PTPN12: variants seen among roughly 807,000 people sequenced by gnomAD.
PTPN12 encodes the protein tyrosine-protein phosphatase non-receptor type 12.
In PTPN12, 29 loss-of-function variants were observed where a neutral mutation model predicts 97.6. The observed-to-expected ratio is 0.30, with a 90% CI of 0.22 to 0.41. The LOEUF is 0.41. PTPN12 is among the 10% of genes least tolerant of loss of function. PTPN12 has a pLI of 1.00. For missense variants in PTPN12, 819 were observed against 926.0 expected, an observed-to-expected ratio of 0.88 and a Z score of 1.50; for synonymous variants, 327 against 300.4, an observed-to-expected ratio of 1.09 and a Z score of -0.91.
intron 13 of PTPN12, among the ~76,000 whole-genome samples, chr7:77,630,009 T>A (rs1789343624): frequency 6.6e-6 from 1 of 152,144 alleles, no homozygotes. Flanking sequence ...CATTTCTGTT[T>A]GTTTGGTTTT....
At position 77,632,762 on chromosome 7, in the gene PTPN12, G is replaced by A. The variant is rs151246812; in HGVS notation, c.2074+337G>A. ...ACCTGAGGTCAGGAGTTGGAGACCAGCCTGGCCAACATGGTGAAACTCCAT... is the reference window on the plus strand; with the variant it reads ...ACCTGAGGTCAGGAGTTGGAGACCAACCTGGCCAACATGGTGAAACTCCAT... On this transcript the variant is annotated intron_variant, in intron 14 of 17. Transcript: ENST00000248594. Among the ~76,000 whole-genome samples the A allele has an allele frequency of 7.4e-3, 1,118 of 152,094 alleles. 14 individuals carry two copies. The highest frequency in any genetic ancestry group is 0.025 in the African/African-American group (1,052 of 41,484).
chr7:77,561,725 C>T (rs186675969), intron 1 of PTPN12, among the ~76,000 whole-genome samples: 1 of 151,840 alleles, frequency 6.6e-6, no homozygotes, highest in African/African-American at 2.4e-5. Context: ...TATGTTAATA[C>T]TAGAACTTAA....
chr7:77,553,452 C>G (rs1310036608), intron 1 of PTPN12, among the ~76,000 whole-genome samples: 1 of 152,144 alleles, frequency 6.6e-6, no homozygotes, highest in Non-Finnish European at 1.5e-5. Context: ...AGTTTTGGCT[C>G]ACATATTTTT....
intron 12 of PTPN12, among the ~76,000 whole-genome samples, chr7:77,625,658 C>A (rs1427694817): frequency 6.8e-6 from 1 of 146,686 alleles, no homozygotes. Flanking sequence ...CCATCTCCAC[C>A]TCCTGGGCTC....
intron 17 of PTPN12, 110 bp from the exon 18 acceptor site, chr7:77,639,109 C>T: frequency 3.4e-6 from 3 of 887,952 alleles, no homozygotes; most frequent in East Asian, 2.8e-5. Context: ...TCTAAATTCC[C>T]TTGTGGAAAT....
At chr7:77,610,107 A>G (rs1450147917) in intron 9 of PTPN12, among the ~76,000 whole-genome samples, 4 of 152,172 alleles carry the variant, frequency 2.6e-5, no homozygotes, top group Non-Finnish European at 5.9e-5. Flanking sequence ...AGATCTTCTC[A>G]TGTCAACATT....
At chr7:77,546,777 G>A (rs1479795590) in intron 1 of PTPN12, among the ~76,000 whole-genome samples, 2 of 152,200 alleles carry the variant, frequency 1.3e-5, no homozygotes, top group Non-Finnish European at 2.9e-5. Context: ...ACTTACGATT[G>A]TGGTGGAAGG....
chr7:77,600,617 C>T, intron 7 of PTPN12, 47 bp from the exon 8 acceptor site: 1 of 1,506,604 alleles, frequency 6.6e-7, no homozygotes, highest in Non-Finnish European at 8.9e-7. Flanking sequence ...CAACTTTAAA[C>T]TTTGCAAAGT....
rs543469112 is a variant in PTPN12 at position 77,584,066 on chromosome 7, C to T, written c.381+416C>T. Among the ~76,000 whole-genome samples, 7 of 152,168 alleles carry T rather than the reference C, an allele frequency of 4.6e-5. No individual in the cohort carries two copies. In the South Asian group the frequency reaches 1.5e-3, roughly 32 times the overall value. ...GCAGTATAAGAGAATTTCATCTATCCCTGGAGTTCATTCAGTGCCCTCTTG... is the reference window on the plus strand; with the variant it reads ...GCAGTATAAGAGAATTTCATCTATCTCTGGAGTTCATTCAGTGCCCTCTTG... On this transcript the variant is annotated intron_variant, in intron 4 of 17. Coordinates refer to ENST00000248594, the MANE Select transcript of PTPN12 (RefSeq NM_002835.4).
chr7:77,602,012 T>A (rs1788201799), intron 8 of PTPN12, among the ~76,000 whole-genome samples: 1 of 152,208 alleles, frequency 6.6e-6, no homozygotes, highest in Non-Finnish European at 1.5e-5. Flanking sequence ...GCACCTACTT[T>A]AAATTGCACA....
chr7:77,566,380 A>T (rs984416539), intron 1 of PTPN12, among the ~76,000 whole-genome samples: 6 of 152,194 alleles, frequency 3.9e-5, no homozygotes, highest in African/African-American at 1.4e-4. Context: ...TAGAACAGTA[A>T]TAAAGGAGTG....
intron 2 of PTPN12, among the ~76,000 whole-genome samples, chr7:77,571,719 ATTTG>A (rs1228496690): frequency 3.2e-4 from 19 of 60,262 alleles, no homozygotes; most frequent in East Asian, 2.2e-3. Flanking sequence ...TTATTTATTT[ATTTG>A]TTTGTTTGTT....
rs62477770 is a variant in PTPN12 at position 77,543,360 on chromosome 7, T to C, written c.99+5715T>C. ...TTCCACTGCCTTTTTTTTTTTTTTT[T>C]AAAGAGAGAACTAGAGAATATTTTT... is the stretch of plus-strand genomic sequence containing the variant. On this transcript the variant is annotated intron_variant, in intron 1 of 17. Coordinates refer to ENST00000248594, the MANE Select transcript of PTPN12 (RefSeq NM_002835.4). Among the ~76,000 whole-genome samples the C allele has an allele frequency of 2.2e-5, 3 of 134,662 alleles. 1 individual carries two copies. Among genetic ancestry groups the C allele is most frequent in the African/African-American group, 8.5e-5 (3 of 35,158 alleles). 88.3% of individuals were successfully genotyped at this position (134,662 alleles called of 152,430 possible).
chr7:77,564,746 GTTTT>G (rs764476553), intron 1 of PTPN12, among the ~76,000 whole-genome samples: 34 of 45,390 alleles, frequency 7.5e-4, no homozygotes, highest in African/African-American at 2.3e-3. Context: ...TTGTTGTCGT[GTTTT>G]TTTTTTTTTT....
At chr7:77,561,434 G>A (rs957738098) in intron 1 of PTPN12, among the ~76,000 whole-genome samples, 18 of 152,268 alleles carry the variant, frequency 1.2e-4, no homozygotes, top group Non-Finnish European at 1.9e-4. Flanking sequence ...ATTTTCAGAG[G>A]GTGTAGGAGT....
intron 13 of PTPN12, among the ~76,000 whole-genome samples, chr7:77,631,583 C>T (rs753147533): frequency 6.6e-6 from 1 of 152,146 alleles, no homozygotes; most frequent in Non-Finnish European, 1.5e-5. Context: ...AGATCAAATA[C>T]ACTCATTTAC....
intron 6 of PTPN12, among the ~76,000 whole-genome samples, chr7:77,595,232 C>T (rs796568724): frequency 6.6e-5 from 10 of 152,188 alleles, no homozygotes; most frequent in African/African-American, 2.2e-4. Flanking sequence ...ATTTGTTTGT[C>T]TTATAATTGG....
At chr7:77,591,926 C>T (rs902114259) in intron 5 of PTPN12, among the ~76,000 whole-genome samples, 1 of 152,160 alleles carries the variant, frequency 6.6e-6, no homozygotes, top group Admixed American at 6.5e-5. Flanking sequence ...TTGGTCTACT[C>T]TGTAGACCTG....
At chr7:77,558,222 A>AG (rs1268086205) in intron 1 of PTPN12, among the ~76,000 whole-genome samples, 15 of 151,588 alleles carry the variant, frequency 9.9e-5, no homozygotes, top group African/African-American at 3.4e-4. Flanking sequence ...AAAAAAAAAA[A>AG]AAAAAGAAAA....
Sources: gnomAD v4.1 joint callset for allele counts (sites outside exome capture counted in the v4.1 genomes callset) on GRCh38, gnomAD v4.1.1 for gene constraint, MANE v1.5 for transcripts, NCBI Gene and HGNC (gene_info 2026-07-23, HGNC 2026-07-21) for gene names.